Variants in PHYHIPL observed in about 807,000 individuals in gnomAD.
PHYHIPL encodes phytanoyl-CoA hydroxylase-interacting protein-like.
A neutral mutation model predicts 33.4 loss-of-function variants in PHYHIPL; 9 were observed. That is an observed-to-expected ratio of 0.27 (90% CI 0.16 to 0.47). The LOEUF is 0.47. PHYHIPL is among the 20% of genes least tolerant of loss of function. PHYHIPL has a pLI of 0.99. For missense variants in PHYHIPL, 365 were observed against 460.7 expected (o/e 0.79, Z 1.90); for synonymous variants, 153 against 154.1 (o/e 0.99, Z 0.05).
chr10:59,176,566 G>T, upstream of PHYHIPL: 1 of 111,044 alleles, frequency 9.0e-6, no homozygotes, highest in Non-Finnish European at 1.5e-5. Flanking sequence ...TATACATCAC[G>T]TTCCCCGAGA....
chr10:59,224,070 C>A (rs1026289772), intron 1 of PHYHIPL, among the ~76,000 whole-genome samples: 32 of 152,108 alleles, frequency 2.1e-4, no homozygotes, highest in African/African-American at 7.7e-4. Context: ...CTTCCAAGTC[C>A]ATGGACTTTT....
chr10:59,208,252 C>T (rs1287986950), intron 1 of PHYHIPL, among the ~76,000 whole-genome samples: 1 of 152,198 alleles, frequency 6.6e-6, no homozygotes, highest in Non-Finnish European at 1.5e-5. Context: ...TGCTGTTCTG[C>T]AGCCTCTGCT....
chr10:59,190,837 T>C (rs1838762530), intron 1 of PHYHIPL, among the ~76,000 whole-genome samples: 1 of 151,890 alleles, frequency 6.6e-6, no homozygotes, highest in African/African-American at 2.4e-5. Flanking sequence ...AAAAATGAGC[T>C]TTGAAATTTT....
At chr10:59,174,363 T>C (rs1358093080), upstream of PHYHIPL, among the ~76,000 whole-genome samples, 2 of 152,162 alleles carry the variant, frequency 1.3e-5, no homozygotes, top group East Asian at 3.9e-4. Context: ...TGGACTAAGA[T>C]ACCTTGTCTT....
chr10:59,230,336 C>T (rs1840044124), intron 1 of PHYHIPL, among the ~76,000 whole-genome samples: 1 of 151,132 alleles, frequency 6.6e-6, no homozygotes, highest in Admixed American at 6.6e-5. Flanking sequence ...ACCTCAGCCT[C>T]CCAGGTAGCT....
chr10:59,212,725 A>G (rs138448898), intron 1 of PHYHIPL, among the ~76,000 whole-genome samples: 13 of 152,290 alleles, frequency 8.5e-5, no homozygotes, highest in African/African-American at 2.9e-4. Context: ...TCATTGCTCA[A>G]TTAAACTCTG....
chr10:59,247,735 C>T lies in PHYHIPL; in HGVS notation c.*2144C>T. The T allele has an allele frequency of 6.2e-7, 1 of 1,607,982 alleles. No homozygotes were observed. Among genetic ancestry groups the T allele is most frequent in the Non-Finnish European group, 8.5e-7 (1 of 1,177,754 alleles). ...TGGTATCCTATCTTCCTTTTGTGGA[C>T]TTCTGCAAAACAAAAATACATTTGT... On this transcript the variant is annotated 3_prime_UTR_variant, in exon 5 of 5. Transcript: ENST00000373880.
chr10:59,186,388 G>A (rs1838603144), intron 1 of PHYHIPL, among the ~76,000 whole-genome samples: 1 of 152,214 alleles, frequency 6.6e-6, no homozygotes, highest in African/African-American at 2.4e-5. Flanking sequence ...ATAGTTTGAA[G>A]TCAGGTAGCA....
chr10:59,174,410 C>G (rs1243171892), upstream of PHYHIPL, among the ~76,000 whole-genome samples: 1 of 152,112 alleles, frequency 6.6e-6, no homozygotes, highest in Non-Finnish European at 1.5e-5. Flanking sequence ...GTCCACCAGG[C>G]CTAGCCTTGA....
chr10:59,213,300 A>G (rs529296387), intron 1 of PHYHIPL, among the ~76,000 whole-genome samples: 11 of 152,256 alleles, frequency 7.2e-5, no homozygotes, highest in African/African-American at 2.6e-4. Context: ...ACTCTAATAT[A>G]AACAAAAATT....
chr10:59,239,069 A>G (rs901741974), intron 4 of PHYHIPL, among the ~76,000 whole-genome samples: 2 of 151,864 alleles, frequency 1.3e-5, no homozygotes, highest in African/African-American at 4.8e-5. Context: ...ATTGAAAATG[A>G]GAGTATAAAA....
chr10:59,211,384 T>C (rs988904890), intron 1 of PHYHIPL, among the ~76,000 whole-genome samples: 5 of 152,048 alleles, frequency 3.3e-5, no homozygotes, highest in Non-Finnish European at 5.9e-5. Flanking sequence ...GTTTTTGTTT[T>C]GTTTTGTTTG....
intron 1 of PHYHIPL, among the ~76,000 whole-genome samples, chr10:59,203,032 A>C (rs1270105984): frequency 1.3e-5 from 2 of 152,212 alleles, no homozygotes; most frequent in Non-Finnish European, 1.5e-5. Flanking sequence ...ACAAGGGCTA[A>C]TACCCAGAAT....
chr10:59,183,463 T>C (rs1049844679), intron 1 of PHYHIPL, among the ~76,000 whole-genome samples: 1 of 152,156 alleles, frequency 6.6e-6, no homozygotes, highest in Non-Finnish European at 1.5e-5. Flanking sequence ...TAGAAACATA[T>C]ATTCCACTAG....
intron 2 of PHYHIPL, 67 bp downstream of exon 2, chr10:59,234,567 A>G: frequency 8.9e-7 from 1 of 1,127,352 alleles, no homozygotes; most frequent in Non-Finnish European, 1.2e-6. Context: ...GACATTTTAA[A>G]AGAACGAATA....
intron 1 of PHYHIPL, among the ~76,000 whole-genome samples, chr10:59,180,359 T>TATATATATATATATAC (rs1564698961): frequency 1.8e-5 from 2 of 112,558 alleles, no homozygotes; most frequent in African/African-American, 3.3e-5. Context: ...TATATATATA[T>TATATATATATATATAC]ATACTTTTTC....
At chr10:59,243,791 T>C (rs1310336938) in intron 4 of PHYHIPL, among the ~76,000 whole-genome samples, 1 of 151,872 alleles carries the variant, frequency 6.6e-6, no homozygotes, top group African/African-American at 2.4e-5. Context: ...GGCAGCACAC[T>C]TGGGGAATTC....
chr10:59,231,657 G>A (rs925490780), intron 1 of PHYHIPL, among the ~76,000 whole-genome samples: 1 of 152,040 alleles, frequency 6.6e-6, no homozygotes, highest in African/African-American at 2.4e-5. Context: ...CTTTCAGTCC[G>A]AGACAGCTAA....
chr10:59,236,741 A>G, intron 3 of PHYHIPL, 84 bp downstream of exon 3: 1 of 1,186,504 alleles, frequency 8.4e-7, no homozygotes, highest in Non-Finnish European at 1.1e-6. Flanking sequence ...TTTTGTAATT[A>G]TAAAGTGATA....
Sources: gnomAD v4.1 joint callset for allele counts (sites outside exome capture counted in the v4.1 genomes callset) on GRCh38, gnomAD v4.1.1 for gene constraint, MANE v1.5 for transcripts, NCBI Gene and HGNC (gene_info 2026-07-23, HGNC 2026-07-21) for gene names.